The following NEK4 variants were observed in gnomAD, a reference collection of about 807,000 sequenced individuals.
NEK4 encodes the protein NIMA related kinase 4.
In NEK4, 86 loss-of-function variants were observed where a neutral mutation model predicts 98.4. That is an observed-to-expected ratio of 0.87 (90% CI 0.73 to 1.05). The LOEUF is 1.05. NEK4 is among the 50% of genes least tolerant of loss of function. The probability of loss-of-function intolerance (pLI) is 0.00; values close to 1 mark genes in which losing one functional copy is unlikely to be tolerated. For synonymous variants in NEK4, 328 were observed against 342.2 expected (o/e 0.96, Z 0.46); for missense variants, 898 against 950.3 (o/e 0.94, Z 0.72).
rs2097347907 is a variant in NEK4 at position 52,709,259 on chromosome 3, G to C, written c.*2518C>G. The C allele has an allele frequency of 6.6e-6, 1 of 151,936 alleles. No homozygotes were observed. Among genetic ancestry groups the C allele is most frequent in the South Asian group, 2.1e-4 (1 of 4,826 alleles). The allele number at this position is 151,936 out of a possible 1,614,324, so 9.4% of individuals were successfully genotyped here. ...AACACATCAAAGTCTCTGAACTGTG[G>C]CCAAAGGTATATTCGGAAGAAAATT... is the stretch of plus-strand genomic sequence containing the variant. On this transcript the variant is annotated 3_prime_UTR_variant, in exon 16 of 16. Coordinates refer to ENST00000233027, the MANE Select transcript of NEK4 (RefSeq NM_003157.6).
intron 13 of NEK4, among the ~76,000 whole-genome samples, chr3:52,740,204 AAGAG>A (rs2097383280): frequency 6.6e-6 from 1 of 152,230 alleles, no homozygotes. Flanking sequence ...TACATTTGTG[AAGAG>A]AAAGAAATCA....
At chr3:52,764,763 CACACACACACACAT>C (rs952971518) in intron 4 of NEK4, among the ~76,000 whole-genome samples, 45 of 97,128 alleles carry the variant, frequency 4.6e-4, no homozygotes, top group African/African-American at 2.4e-3. Context: ...CGTGCGCATG[CACACACACACACAT>C]GCACACACAC....
chr3:52,711,818 C>T lies in NEK4; in HGVS notation c.2485G>A (p.Ala829Thr). Residue 829 changes from alanine (A) to threonine (T), a missense_variant, in exon 16 of 16, where the codon GCT becomes ACT. Physicochemically the swap from Ala to Thr is moderately conservative, Grantham distance 58. Coordinates refer to ENST00000233027, the MANE Select transcript of NEK4 (RefSeq NM_003157.6). ...TCTTCAAAAAATTTCAACTGGCGAGCTTTCACACTGTAAGTTGTATACTTT... is the reference window on the plus strand; with the variant it reads ...TCTTCAAAAAATTTCAACTGGCGAGTTTTCACACTGTAAGTTGTATACTTT... ...GEKYTTYSVK[A>T]RQLKFFEENM... 6.2e-7 allele frequency: 1 copy of T among 1,611,374 alleles called. No individual in the cohort carries two copies. The highest frequency in any genetic ancestry group is 1.7e-5 in the Admixed American group (1 of 59,712).
At chr3:52,755,142 A>G (rs1189967860) in intron 6 of NEK4, among the ~76,000 whole-genome samples, 1 of 151,890 alleles carries the variant, frequency 6.6e-6, no homozygotes, top group East Asian at 1.9e-4. Context: ...GAAAGAAAGA[A>G]GCCAGAAACA....
In NEK4 at chr3:52,711,790, T is replaced by G. The variant is rs775725277; in HGVS notation, c.2513A>C (p.Asn838Thr). Residue 838 changes from asparagine (N) to threonine (T), a missense_variant, in exon 16 of 16, where the codon AAC (asparagine) becomes ACC (threonine). Asn to Thr is a moderately conservative substitution (Grantham distance 65, BLOSUM62 0). Transcript: ENST00000233027. ...TAGGACAAATGCTCAAAAATTCATG[T>G]TTTCTTCAAAAAATTTCAACTGGCG... is the stretch of plus-strand genomic sequence containing the variant. ...KARQLKFFEENMNF is the reference protein window; with the variant it reads ...KARQLKFFEETMNF 1 of 1,606,858 alleles carries G rather than the reference T, an allele frequency of 6.2e-7. No individual in the cohort carries two copies. Among genetic ancestry groups the G allele is most frequent in the East Asian group, 2.2e-5 (1 of 44,764 alleles).
chr3:52,747,166 A>G (rs1189488864), intron 8 of NEK4, among the ~76,000 whole-genome samples: 2 of 152,212 alleles, frequency 1.3e-5, no homozygotes, highest in African/African-American at 4.8e-5. Flanking sequence ...TTAGAAAACA[A>G]AAGAAGCGGG....
At chr3:52,740,749 G>A (rs2097384413) in intron 13 of NEK4, among the ~76,000 whole-genome samples, 1 of 152,012 alleles carries the variant, frequency 6.6e-6, no homozygotes, top group Admixed American at 6.5e-5. Flanking sequence ...CCAAAATCAT[G>A]CCACTGCACT....
At chr3:52,744,822 AAATGATCAC>A (rs1561310240) in intron 10 of NEK4, among the ~76,000 whole-genome samples, 2 of 152,052 alleles carry the variant, frequency 1.3e-5, no homozygotes, top group Non-Finnish European at 2.9e-5. Flanking sequence ...TACTAGTGAA[AAATGATCAC>A]AATGATCACA....
intron 15 of NEK4, among the ~76,000 whole-genome samples, chr3:52,736,310 G>C (rs1046074491): frequency 9.2e-5 from 14 of 152,076 alleles, no homozygotes; most frequent in South Asian, 4.1e-4. Flanking sequence ...TAGCAGGCCG[G>C]GCCTGGTGGC....
chr3:52,744,644 A>T (rs2097392726), intron 10 of NEK4, among the ~76,000 whole-genome samples: 1 of 142,498 alleles, frequency 7.0e-6, no homozygotes, highest in African/African-American at 2.5e-5. Context: ...AGATCGCGCC[A>T]TTGCACTCCA....
intron 14 of NEK4, 39 bp from the exon 15 acceptor site, chr3:52,737,758 C>T: frequency 6.6e-7 from 1 of 1,514,894 alleles, no homozygotes; most frequent in Non-Finnish European, 9.0e-7. Context: ...AAAATAAACA[C>T]TTTTACCACT....
At chr3:52,725,327 C>T (rs1387990142) in intron 15 of NEK4, among the ~76,000 whole-genome samples, 7 of 151,748 alleles carry the variant, frequency 4.6e-5, no homozygotes, top group Admixed American at 6.6e-5. Flanking sequence ...CTGGCTAACA[C>T]GGTGAAACCC....
Position 52,770,906 on chromosome 3 carries a change from C to A in NEK4, c.-160G>T. On this transcript the variant is annotated 5_prime_UTR_variant, in exon 1 of 16. Coordinates refer to ENST00000233027, the MANE Select transcript of NEK4 (RefSeq NM_003157.6). ...TGCTGGGGCCCGGCCCGCGACGACGCCGCTGCCATAGCGATCCGGGCCGGG... is the reference window on the plus strand; with the variant it reads ...TGCTGGGGCCCGGCCCGCGACGACGACGCTGCCATAGCGATCCGGGCCGGG... 1.6e-6 allele frequency: 1 copy of A among 627,994 alleles called. No individual in the cohort carries two copies. Among genetic ancestry groups the A allele is most frequent in the Non-Finnish European group, 2.8e-6 (1 of 361,628 alleles). 38.9% of individuals were successfully genotyped at this position (627,994 alleles called of 1,614,324 possible).
At chr3:52,753,510 G>A in intron 6 of NEK4, 1 of 447,786 alleles carries the variant, frequency 2.2e-6, no homozygotes, top group African/African-American at 2.0e-5. Flanking sequence ...GAATTTCTTT[G>A]TTTGGAGTAC....
intron 15 of NEK4, among the ~76,000 whole-genome samples, chr3:52,712,508 T>C (rs2097351416): frequency 6.6e-6 from 1 of 152,214 alleles, no homozygotes; most frequent in African/African-American, 2.4e-5. Flanking sequence ...TTAGCTCAAT[T>C]AGACCCTTGC....
chr3:52,713,479 C>T (rs2097352245), intron 15 of NEK4, among the ~76,000 whole-genome samples: 1 of 150,058 alleles, frequency 6.7e-6, no homozygotes, highest in Non-Finnish European at 1.5e-5. Flanking sequence ...ATAAAATAAA[C>T]ATATGGCCCC....
At chr3:52,763,338 A>T in intron 5 of NEK4, 132 bp downstream of exon 5, 4 of 942,800 alleles carry the variant, frequency 4.2e-6, no homozygotes, top group Non-Finnish European at 6.3e-6. Flanking sequence ...CCTCCTCTAC[A>T]TATGTAATCA....
At position 52,726,999 on chromosome 3, in the gene NEK4, A is replaced by C. The variant is rs1408730238; in HGVS notation, c.2433+10587T>G. On this transcript the variant is annotated intron_variant, in intron 15 of 15. Transcript: ENST00000233027. ...TTTTTTTTTTTTTTTCCTGAGACAG[A>C]GTTTCACTCTTGTTGCCCAGGCTAG... 1.2e-4 allele frequency among the ~76,000 whole-genome samples: 16 copies of C among 136,332 alleles called. 1 individual carries two copies. Among genetic ancestry groups the C allele is most frequent in the African/African-American group, 3.0e-4 (11 of 36,600 alleles). The allele number at this position is 136,332 out of a possible 152,430, so 89.4% of individuals were successfully genotyped here.
intron 6 of NEK4, among the ~76,000 whole-genome samples, chr3:52,758,002 C>T (rs902365150): frequency 6.6e-6 from 1 of 151,602 alleles, no homozygotes; most frequent in African/African-American, 2.4e-5. Context: ...GTGGTGAAAC[C>T]CTGTCTCTAC....
Sources: allele counts gnomAD v4.1 joint callset (sites outside exome capture counted in the v4.1 genomes callset), GRCh38; gene constraint gnomAD v4.1.1; transcripts MANE v1.5; gene names NCBI Gene and HGNC (gene_info 2026-07-23, HGNC 2026-07-21).